The following ST7 variants were observed in gnomAD, a reference collection of about 807,000 sequenced individuals.
ST7 encodes suppression of tumorigenicity 7, also known as suppressor of tumorigenicity 7 protein.
A neutral mutation model predicts 78.7 loss-of-function variants in ST7; 28 were observed. The observed-to-expected ratio is 0.36, with a 90% CI of 0.26 to 0.49. The LOEUF is 0.49. ST7 is among the 20% of genes least tolerant of loss of function. The pLI is 0.99. For synonymous variants in ST7, 247 were observed against 249.6 expected (o/e 0.99, Z 0.10); for missense variants, 418 against 696.0 (o/e 0.60, Z 4.49).
At chr7:116,996,099 T>TG in intron 1 of ST7, among the ~76,000 whole-genome samples, 1 of 151,218 alleles carries the variant, frequency 6.6e-6, no homozygotes, top group Non-Finnish European at 1.5e-5. Flanking sequence ...TTTTTTTTTT[T>TG]GAGACGGAGT....
intron 2 of ST7, among the ~76,000 whole-genome samples, chr7:117,105,608 C>A (rs921221319): frequency 6.6e-6 from 1 of 152,012 alleles, no homozygotes; most frequent in Admixed American, 6.5e-5. Context: ...TACAAATATA[C>A]CAGTTAAATA....
At chr7:117,060,327 A>G (rs964715667) in intron 1 of ST7, among the ~76,000 whole-genome samples, 3 of 152,202 alleles carry the variant, frequency 2.0e-5, no homozygotes, top group African/African-American at 7.2e-5. Flanking sequence ...GGCAAGCAGA[A>G]TATCAGGTAA....
chr7:117,095,841 G>T (rs1475949069), intron 1 of ST7, among the ~76,000 whole-genome samples: 2 of 151,902 alleles, frequency 1.3e-5, no homozygotes, highest in African/African-American at 4.8e-5. Context: ...GCCGAGGTGG[G>T]CGGATCACCT....
chr7:117,071,592 C>A (rs1416428967), intron 1 of ST7, among the ~76,000 whole-genome samples: 1 of 152,206 alleles, frequency 6.6e-6, no homozygotes, highest in South Asian at 2.1e-4. Flanking sequence ...GCCTTCCGAA[C>A]CTTTTCCATA....
chr7:117,133,667 ATTTTG>A (rs966081867), intron 6 of ST7, among the ~76,000 whole-genome samples: 4 of 150,928 alleles, frequency 2.7e-5, no homozygotes, highest in East Asian at 1.9e-4. Context: ...TTAGTATTTT[ATTTTG>A]TTTTATTATT....
intron 10 of ST7, among the ~76,000 whole-genome samples, chr7:117,175,808 A>T (rs1180114717): frequency 6.6e-6 from 1 of 152,236 alleles, no homozygotes; most frequent in Non-Finnish European, 1.5e-5. Flanking sequence ...ATAAAGAGCC[A>T]AAAGTGTCAC....
At chr7:117,109,073 C>T (rs374301024) in intron 2 of ST7, among the ~76,000 whole-genome samples, 9 of 152,084 alleles carry the variant, frequency 5.9e-5, no homozygotes, top group Admixed American at 2.0e-4. Flanking sequence ...TCCTCTTTAC[C>T]GATTTGAATG....
At chr7:117,227,128 G>C (rs1159760549) in intron 15 of ST7, among the ~76,000 whole-genome samples, 1 of 152,192 alleles carries the variant, frequency 6.6e-6, no homozygotes, top group Non-Finnish European at 1.5e-5. Flanking sequence ...AGCCAACCTT[G>C]TAACATCTCC....
At chr7:117,174,576 C>T (rs950221999) in intron 10 of ST7, among the ~76,000 whole-genome samples, 1 of 152,154 alleles carries the variant, frequency 6.6e-6, no homozygotes, top group Non-Finnish European at 1.5e-5. Flanking sequence ...AGGATAAAAA[C>T]GGAGGTGGTC....
At chr7:117,141,616 G>A (rs1438033416) in intron 9 of ST7, among the ~76,000 whole-genome samples, 1 of 152,162 alleles carries the variant, frequency 6.6e-6, no homozygotes, top group Non-Finnish European at 1.5e-5. Flanking sequence ...TATTTTGGCA[G>A]TAAGCAGAGC....
intron 1 of ST7, chr7:116,955,137 T>G (rs1421915443): frequency 2.1e-6 from 1 of 470,948 alleles, no homozygotes; most frequent in East Asian, 6.9e-5. Context: ...CAATATTGTC[T>G]TCTTCGCTTT....
At chr7:117,087,818 C>G (rs1800276664) in intron 1 of ST7, among the ~76,000 whole-genome samples, 1 of 152,194 alleles carries the variant, frequency 6.6e-6, no homozygotes, top group Non-Finnish European at 1.5e-5. Context: ...GAATTTAACT[C>G]TGCAACATCT....
At chr7:117,169,119 CT>C (rs1807785985) in intron 9 of ST7, among the ~76,000 whole-genome samples, 2 of 116,796 alleles carry the variant, frequency 1.7e-5, no homozygotes. Context: ...ATTTTACCTT[CT>C]TTTTTTAATC....
chr7:117,183,161 C>T (rs1199544207), intron 10 of ST7, among the ~76,000 whole-genome samples: 1 of 151,984 alleles, frequency 6.6e-6, no homozygotes, highest in Non-Finnish European at 1.5e-5. Flanking sequence ...TGCGGTGGCT[C>T]ATGCCTGTAA....
At chr7:117,090,921 T>G (rs561121167) in intron 1 of ST7, 1 of 166,322 alleles carries the variant, frequency 6.0e-6, no homozygotes, top group African/African-American at 2.4e-5. Flanking sequence ...AGGGAGAAGG[T>G]GCCATGAAGA....
chr7:117,069,333 T>C (rs1279962011), intron 1 of ST7, among the ~76,000 whole-genome samples: 1 of 152,238 alleles, frequency 6.6e-6, no homozygotes, highest in Admixed American at 6.5e-5. Context: ...CTTTTTATTA[T>C]AATATGATTA....
rs188868930 is a variant in ST7, at chr7:117,157,345, T to C, written c.964-13517T>C. Among the ~76,000 whole-genome samples the C allele has an allele frequency of 1.5e-3, 225 of 152,266 alleles. 1 individual carries two copies. The highest frequency in any genetic ancestry group is 2.0e-3 in the Non-Finnish European group (138 of 68,028). On this transcript the variant is annotated intron_variant, in intron 9 of 15. Transcript: ENST00000323984. ...CTCAGGCTGGTTTCTGTAAATAGCA[T>C]GTGGACGTGTTGGGGAATGTGTGTT... is the stretch of plus-strand genomic sequence containing the variant.
chr7:117,016,324 A>C (rs1009759999), intron 1 of ST7, among the ~76,000 whole-genome samples: 2 of 152,196 alleles, frequency 1.3e-5, no homozygotes, highest in African/African-American at 4.8e-5. Context: ...ACATTGAAGC[A>C]GGAAGGAACA....
intron 13 of ST7, among the ~76,000 whole-genome samples, chr7:117,215,001 G>C: frequency 6.6e-6 from 1 of 151,484 alleles, no homozygotes; most frequent in Non-Finnish European, 1.5e-5. Flanking sequence ...CCTCACATCA[G>C]ATAGATAGAT....
Sources: gnomAD v4.1 joint callset for allele counts (sites outside exome capture counted in the v4.1 genomes callset) on GRCh38, gnomAD v4.1.1 for gene constraint, MANE v1.5 for transcripts, NCBI Gene and HGNC (gene_info 2026-07-23, HGNC 2026-07-21) for gene names.